The following EPM2A variants were observed in gnomAD, a reference collection of about 807,000 sequenced individuals.
EPM2A encodes the protein laforin.
In EPM2A, 21 loss-of-function variants were observed where a neutral mutation model predicts 26.5. That is an observed-to-expected ratio of 0.79 (90% CI 0.56 to 1.14). EPM2A has a LOEUF of 1.14. EPM2A is among the 50% of genes most tolerant of loss of function. The pLI, the probability that EPM2A is intolerant of heterozygous loss-of-function variation, is 0.00. For synonymous variants in EPM2A, 217 were observed against 177.6 expected, an observed-to-expected ratio of 1.22 and a Z score of -1.76; for missense variants, 458 against 440.8, an observed-to-expected ratio of 1.04 and a Z score of -0.35.
chr6:145,689,873 G>A (rs1280220735), intron 1 of EPM2A, among the ~76,000 whole-genome samples: 1 of 152,186 alleles, frequency 6.6e-6, no homozygotes, highest in Non-Finnish European at 1.5e-5. Context: ...AAGTGGAAAG[G>A]TGGACTTCCA....
chr6:145,731,468 A>G (rs1776481758), intron 1 of EPM2A, among the ~76,000 whole-genome samples: 2 of 152,232 alleles, frequency 1.3e-5, no homozygotes, highest in African/African-American at 4.8e-5. Flanking sequence ...AGCAAAATTG[A>G]CAATTGCAAA....
At chr6:145,690,022 C>T (rs78797826) in intron 1 of EPM2A, among the ~76,000 whole-genome samples, 5,082 of 152,116 alleles carry the variant, frequency 0.033, 198 homozygotes, top group East Asian at 0.19. Context: ...ACAAGGCATT[C>T]CTCCCTGTCT....
chr6:145,445,681 G>GT (rs201996253), intron 4 of EPM2A, among the ~76,000 whole-genome samples: 1 of 151,984 alleles, frequency 6.6e-6, no homozygotes, highest in Non-Finnish European at 1.5e-5. Context: ...TTGTTTGTTT[G>GT]TTTTTTTGGA....
chr6:145,443,524 C>G (rs756678415), intron 4 of EPM2A, among the ~76,000 whole-genome samples: 3 of 152,104 alleles, frequency 2.0e-5, no homozygotes, highest in Non-Finnish European at 4.4e-5. Context: ...TGATTTGGCT[C>G]TCAGCTTGGG....
At chr6:145,704,259 G>T (rs1055979661) in intron 1 of EPM2A, among the ~76,000 whole-genome samples, 6 of 152,102 alleles carry the variant, frequency 3.9e-5, no homozygotes, top group Non-Finnish European at 7.4e-5. Flanking sequence ...GATGAGAAAG[G>T]AGAAAGATAA....
At chr6:145,488,750 A>T (rs1164223471) in intron 4 of EPM2A, among the ~76,000 whole-genome samples, 3 of 152,114 alleles carry the variant, frequency 2.0e-5, no homozygotes, top group African/African-American at 4.8e-5. Context: ...AAATACATTA[A>T]TTTTTAAATG....
intron 4 of EPM2A, among the ~76,000 whole-genome samples, chr6:145,403,359 C>A (rs1020743487): frequency 4.6e-5 from 7 of 151,816 alleles, no homozygotes; most frequent in African/African-American, 1.7e-4. Flanking sequence ...ATTTTTTGTA[C>A]CCACTATCCA....
chr6:145,468,632 C>A (rs1479749484), intron 4 of EPM2A, among the ~76,000 whole-genome samples: 2 of 151,886 alleles, frequency 1.3e-5, no homozygotes, highest in East Asian at 1.9e-4. Context: ...AAAATCAAAT[C>A]AAAAAGATTG....
intron 4 of EPM2A, among the ~76,000 whole-genome samples, chr6:145,425,191 T>G (rs1778839620): frequency 6.9e-6 from 1 of 144,558 alleles, no homozygotes; most frequent in African/African-American, 2.5e-5. Context: ...TCTTTCTTTC[T>G]TTGACGTAGT....
At position 145,583,321 on chromosome 6, in the gene EPM2A, G is replaced by T. The variant is rs534253656; in HGVS notation, c.340+51924C>A. Among the ~76,000 whole-genome samples the T allele has an allele frequency of 9.2e-5, 14 of 152,152 alleles. No individual in the cohort carries two copies. In the South Asian group the frequency reaches 2.7e-3, roughly 29 times the overall value. Reference sequence around the variant, plus strand: ...CAGTCTTCAAAGTTGATGTCCTTTGGATGGGTTTTTTTCTTTTATCTTCTT... The same window carrying T: ...CAGTCTTCAAAGTTGATGTCCTTTGTATGGGTTTTTTTCTTTTATCTTCTT... On this transcript the variant is annotated intron_variant, in intron 2 of 3. Transcript: ENST00000450221.
intron 2 of EPM2A, among the ~76,000 whole-genome samples, chr6:145,681,158 T>C (rs1340529922): frequency 1.3e-5 from 2 of 151,582 alleles, no homozygotes; most frequent in African/African-American, 4.8e-5. Flanking sequence ...ATGAGCATTT[T>C]TTCATGTGTT....
At chr6:145,433,940 T>G (rs984271387) in intron 4 of EPM2A, among the ~76,000 whole-genome samples, 2 of 152,176 alleles carry the variant, frequency 1.3e-5, no homozygotes, top group African/African-American at 2.4e-5. Flanking sequence ...GGGCAGAAAT[T>G]TGTTATTATT....
At chr6:145,590,854 A>G (rs1781264727) in intron 2 of EPM2A, among the ~76,000 whole-genome samples, 2 of 152,204 alleles carry the variant, frequency 1.3e-5, no homozygotes, top group South Asian at 2.1e-4. Flanking sequence ...TAAAAGACAA[A>G]TAAGAAAAAA....
chr6:145,677,446 G>A (rs1195310563), intron 2 of EPM2A, among the ~76,000 whole-genome samples: 1 of 152,170 alleles, frequency 6.6e-6, no homozygotes, highest in African/African-American at 2.4e-5. Flanking sequence ...AATCAGGCAA[G>A]AGAAAGAAAT....
intron 4 of EPM2A, among the ~76,000 whole-genome samples, chr6:145,454,950 T>C (rs1779243295): frequency 1.3e-5 from 2 of 152,174 alleles, no homozygotes; most frequent in South Asian, 4.1e-4. Flanking sequence ...TGTTTGGAAA[T>C]TGTACAATTG....
chr6:145,674,516 C>G (rs962778364), intron 2 of EPM2A, among the ~76,000 whole-genome samples: 1 of 151,998 alleles, frequency 6.6e-6, no homozygotes, highest in Admixed American at 6.6e-5. Context: ...ATGTCCTAAC[C>G]CATCAGAAGG....
At chr6:145,723,539 C>A (rs144321367) in intron 1 of EPM2A, among the ~76,000 whole-genome samples, 1 of 152,050 alleles carries the variant, frequency 6.6e-6, no homozygotes, top group Admixed American at 6.6e-5. Context: ...TGGACAAATA[C>A]CTGCCTGCAA....
intron 4 of EPM2A, among the ~76,000 whole-genome samples, chr6:145,406,776 A>G (rs184004673): frequency 1.0e-3 from 156 of 152,294 alleles, no homozygotes; most frequent in Non-Finnish European, 1.9e-3. Context: ...TTCTCAAAGT[A>G]TTGACCCCAC....
chr6:145,495,586 TATTG>T (rs1779807432), intron 4 of EPM2A, among the ~76,000 whole-genome samples: 2 of 152,182 alleles, frequency 1.3e-5, no homozygotes, highest in African/African-American at 4.8e-5. Flanking sequence ...TTTATTTATT[TATTG>T]ATTTTTAGAT....
Sources: gnomAD v4.1 joint callset for allele counts (sites outside exome capture counted in the v4.1 genomes callset) on GRCh38, gnomAD v4.1.1 for gene constraint, MANE v1.5 for transcripts, NCBI Gene and HGNC (gene_info 2026-07-23, HGNC 2026-07-21) for gene names.